IWS1: variants seen among roughly 807,000 people sequenced by gnomAD.
IWS1 encodes protein IWS1 homolog.
Under a neutral mutation model 86.7 loss-of-function variants are expected in IWS1, and 27 were observed. The observed-to-expected ratio is 0.31, with a 90% CI of 0.23 to 0.43. IWS1 has a LOEUF of 0.43. Among genes scored for constraint, IWS1 ranks in the 20% least tolerant of loss-of-function variants. The probability of loss-of-function intolerance (pLI) is 1.00; values close to 1 mark genes in which losing one functional copy is unlikely to be tolerated. For synonymous variants in IWS1, 313 were observed against 335.1 expected, an observed-to-expected ratio of 0.93 and a Z score of 0.72; for missense variants, 827 against 1,000.8, an observed-to-expected ratio of 0.83 and a Z score of 2.34.
intron 6 of IWS1, among the ~76,000 whole-genome samples, chr2:127,496,829 C>T (rs1202376883): frequency 1.3e-5 from 2 of 152,220 alleles, no homozygotes; most frequent in Admixed American, 1.3e-4. Context: ...CCCCCTGCCT[C>T]AGCCTCCCAA....
intron 2 of IWS1, chr2:127,514,470 T>C (rs1426827945): frequency 6.5e-6 from 1 of 154,036 alleles, no homozygotes; most frequent in Non-Finnish European, 1.5e-5. Flanking sequence ...AAATAAGAGC[T>C]GTAGTGCTTC....
chr2:127,520,328 CT>C (rs1284714724), intron 2 of IWS1, among the ~76,000 whole-genome samples: 1 of 152,086 alleles, frequency 6.6e-6, no homozygotes, highest in Non-Finnish European at 1.5e-5. Context: ...ACCACCATGC[CT>C]GGCTAATTTT....
chr2:127,505,184 T>C lies in IWS1; in HGVS notation c.719A>G (p.Glu240Gly), dbSNP rs3732204. 6.2e-7 allele frequency: 1 copy of C among 1,613,894 alleles called. No homozygotes were observed. The change falls in exon 3 of 14, where the codon GAG becomes GGG. Residue 240 changes from glutamate (E) to glycine (G), a missense_variant. Transcript: ENST00000295321. This position sits in a 1 kb window ranked among gnomAD's most constrained non-coding sequence, Gnocchi z 5.0. ...PRHQASDSENEELPKPRISDS... is the reference protein window; with the variant it reads ...PRHQASDSENGELPKPRISDS... The stretch of plus-strand genomic sequence containing the variant: ...ACTGATACGAGGTTTGGGAAGCTCC[T>C]CATTTTCAGAGTCACTGGCCTGGTG...
chr2:127,489,160 A>C lies in IWS1; in HGVS notation c.2216+19T>G. The C allele has an allele frequency of 1.3e-6, 2 of 1,588,624 alleles. No individual in the cohort carries two copies. The highest frequency in any genetic ancestry group is 1.7e-6 in the Non-Finnish European group (2 of 1,159,268). On this transcript the variant is annotated intron_variant, in intron 12 of 13. Coordinates refer to ENST00000295321, the MANE Select transcript of IWS1 (RefSeq NM_017969.3). This position sits in a 1 kb window ranked among gnomAD's most constrained non-coding sequence, Gnocchi z 4.8. The stretch of plus-strand genomic sequence containing the variant: ...TTCTCTATATAGTCTAGGAAGAAAA[A>C]TTAACATTAAAACCTTACTTCTCCT...
chr2:127,497,492 G>A (rs1235333479), intron 6 of IWS1, among the ~76,000 whole-genome samples: 4 of 152,130 alleles, frequency 2.6e-5, no homozygotes, highest in Admixed American at 6.5e-5. Context: ...CTTGCTAAGC[G>A]CCTCAAACCT....
Position 127,526,484 on chromosome 2 carries a change from G to A in IWS1, c.-276C>T. The A allele has an allele frequency of 6.6e-7, 1 of 1,520,396 alleles. No individual in the cohort carries two copies. Among genetic ancestry groups the A allele is most frequent in the Non-Finnish European group, 8.9e-7 (1 of 1,129,158 alleles). 94.2% of individuals were successfully genotyped at this position (1,520,396 alleles called of 1,614,324 possible). ...TAGAAGCACCGCTGGGGCCAAAATGGCGTCTGCCCACGACCCTCAAAGGAA... is the reference window on the plus strand; with the variant it reads ...TAGAAGCACCGCTGGGGCCAAAATGACGTCTGCCCACGACCCTCAAAGGAA... On this transcript the variant is annotated 5_prime_UTR_variant, in exon 1 of 14. Coordinates refer to ENST00000295321, the MANE Select transcript of IWS1 (RefSeq NM_017969.3).
intron 2 of IWS1, among the ~76,000 whole-genome samples, chr2:127,508,669 A>C (rs925617544): frequency 6.6e-6 from 1 of 152,176 alleles, no homozygotes; most frequent in African/African-American, 2.4e-5. Flanking sequence ...TTAAGTACCA[A>C]CGCAGCACAG....
chr2:127,512,181 G>T (rs1691509476), intron 2 of IWS1, among the ~76,000 whole-genome samples: 1 of 152,160 alleles, frequency 6.6e-6, no homozygotes, highest in East Asian at 1.9e-4. Context: ...GCTTCTGGAT[G>T]TTAAGATAAG....
intron 6 of IWS1, among the ~76,000 whole-genome samples, chr2:127,497,261 G>C (rs936376187): frequency 6.6e-6 from 1 of 152,138 alleles, no homozygotes; most frequent in East Asian, 1.9e-4. Context: ...ATTCACACTT[G>C]CATCTATCAG....
chr2:127,517,146 C>G (rs893195873), intron 2 of IWS1, among the ~76,000 whole-genome samples: 1 of 152,162 alleles, frequency 6.6e-6, no homozygotes, highest in Non-Finnish European at 1.5e-5. Flanking sequence ...GATGAACAGA[C>G]TTTACACTAC....
At position 127,489,785 on chromosome 2, in the gene IWS1, T is replaced by C. The variant is rs764988600; in HGVS notation, c.2159+47A>G. 9.6e-6 allele frequency: 10 copies of C among 1,045,780 alleles called. No individual in the cohort carries two copies. The highest frequency in any genetic ancestry group is 7.7e-5 in the South Asian group (6 of 77,616). 64.8% of individuals were successfully genotyped at this position (1,045,780 alleles called of 1,614,324 possible). On this transcript the variant is annotated intron_variant, in intron 11 of 13. Coordinates refer to ENST00000295321, the MANE Select transcript of IWS1 (RefSeq NM_017969.3). The surrounding 1 kb of genome is among the most constrained non-coding windows in gnomAD (Gnocchi z 4.8). ...ATGATCTTACTTAAAACTGAGTTAC[T>C]GCAACAATAACGTGTATTCCACTTA...
intron 13 of IWS1, among the ~76,000 whole-genome samples, chr2:127,484,969 C>G (rs549620792): frequency 1.8e-4 from 27 of 151,812 alleles, no homozygotes; most frequent in Non-Finnish European, 3.4e-4. Flanking sequence ...TGCACTCCAA[C>G]CTGGGCGACA....
chr2:127,512,426 C>T (rs1303960735), intron 2 of IWS1, among the ~76,000 whole-genome samples: 3 of 152,312 alleles, frequency 2.0e-5, no homozygotes, highest in South Asian at 2.1e-4. Flanking sequence ...ACAGAGTTTT[C>T]CCCCTTCTTC....
Position 127,495,988 on chromosome 2 carries a change from C to G in IWS1, c.1716+10G>C. 1.2e-6 allele frequency: 2 copies of G among 1,602,686 alleles called. No homozygotes were observed. The highest frequency in any genetic ancestry group is 1.7e-6 in the Non-Finnish European group (2 of 1,175,260). On this transcript the variant is annotated intron_variant, in intron 7 of 13. Transcript: ENST00000295321. ...GAAAAAAAGGTGAACCTAGAAGCGA[C>G]CCAGCTCACCTCAGCAGCTTCATTC...
At chr2:127,498,709 G>A (rs944376266) in intron 5 of IWS1, 5 of 152,580 alleles carry the variant, frequency 3.3e-5, no homozygotes, top group African/African-American at 9.7e-5. Context: ...ATTCCACAGA[G>A]GTTATACCAA....
chr2:127,526,504 A>C, upstream of IWS1: 4 of 1,494,360 alleles, frequency 2.7e-6, no homozygotes, highest in Non-Finnish European at 2.7e-6. Context: ...ACGACCCTCA[A>C]AGGAATGCAG....
chr2:127,512,208 T>C (rs1218095589), intron 2 of IWS1, among the ~76,000 whole-genome samples: 1 of 152,174 alleles, frequency 6.6e-6, no homozygotes, highest in Non-Finnish European at 1.5e-5. Flanking sequence ...CTTTGATACA[T>C]TTTCCATGAA....
chr2:127,518,066 G>T (rs1211760866), intron 2 of IWS1, among the ~76,000 whole-genome samples: 1 of 152,152 alleles, frequency 6.6e-6, no homozygotes, highest in Non-Finnish European at 1.5e-5. Context: ...GGTGGGGAGG[G>T]GTAGGCAAAG....
chr2:127,481,209 C>T, intron 13 of IWS1, 34 bp from the exon 14 acceptor site: 3 of 1,573,702 alleles, frequency 1.9e-6, no homozygotes, highest in Non-Finnish European at 2.6e-6. Flanking sequence ...GAGCAAACTA[C>T]TGAAATACGT....
Sources: gnomAD v4.1 joint callset for allele counts (sites outside exome capture counted in the v4.1 genomes callset) on GRCh38, gnomAD v4.1.1 for gene constraint, Gnocchi (gnomAD v3.1) non-coding constraint, MANE v1.5 for transcripts, NCBI Gene and HGNC (gene_info 2026-07-23, HGNC 2026-07-21) for gene names.